The following ULK2 variants were observed in gnomAD, a reference collection of about 807,000 sequenced individuals.
ULK2 encodes the protein unc-51 like autophagy activating kinase 2.
In ULK2, 76 loss-of-function variants were observed where a neutral mutation model predicts 127.5. The observed-to-expected ratio is 0.60, with a 90% CI of 0.50 to 0.72. ULK2 has a LOEUF of 0.72. Ranked by LOEUF, ULK2 falls within the 30% of genes least tolerant of loss-of-function variation. The pLI, the probability that ULK2 is intolerant of heterozygous loss-of-function variation, is 0.00. For synonymous variants in ULK2, 452 were observed against 461.9 expected, an observed-to-expected ratio of 0.98 and a Z score of 0.28; for missense variants, 1,144 against 1,295.9, an observed-to-expected ratio of 0.88 and a Z score of 1.80.
At chr17:19,810,139 G>A (rs2087603231) in intron 14 of ULK2, among the ~76,000 whole-genome samples, 1 of 151,022 alleles carries the variant, frequency 6.6e-6, no homozygotes, top group African/African-American at 2.4e-5. Flanking sequence ...GCTGAGGCAG[G>A]AGAATGGCGT....
chr17:19,838,568 T>C lies in ULK2; in HGVS notation c.720A>G (p.Thr240=), dbSNP rs199636219. The part of the protein sequence containing the change: ...RSLMPSIPRE[T]SPYLANLLLG... ...AAAGGAGATTAGCCAAATAAGGTGA[T>C]GTTTCTCTGGGAATACTGGGGGAAA... is the stretch of plus-strand genomic sequence containing the variant. Residue 240 remains threonine, a synonymous_variant, in exon 10 of 27, where the codon ACA becomes ACG. Transcript: ENST00000395544. 1.0e-4 allele frequency: 167 copies of C among 1,613,168 alleles called. 5 individuals carry two copies. The South Asian group carries it at 1.8e-3, about 18-fold the overall frequency.
chr17:19,811,135 G>C (rs756787736), intron 13 of ULK2: 3 of 152,098 alleles, frequency 2.0e-5, no homozygotes, highest in Non-Finnish European at 2.9e-5. Context: ...CATTATAAAG[G>C]AAAATAAATC....
intron 12 of ULK2, among the ~76,000 whole-genome samples, chr17:19,818,747 C>T (rs1366747791): frequency 6.6e-6 from 1 of 151,746 alleles, no homozygotes; most frequent in Non-Finnish European, 1.5e-5. Flanking sequence ...CATCTCAAAT[C>T]CCTAAAACCC....
chr17:19,774,089 CCCATGAA>C lies in ULK2; in HGVS notation c.*2253_*2259del, dbSNP rs1369388947. Reference sequence around the variant, plus strand: ...GTTATGGCTTGAATACAGGTGTCAACCCATGAATGTATGAACTGGTACATTTCCACTC... The same window carrying C: ...GTTATGGCTTGAATACAGGTGTCAACTGTATGAACTGGTACATTTCCACTC... On this transcript the variant is annotated 3_prime_UTR_variant, in exon 27 of 27. Coordinates refer to ENST00000395544, the MANE Select transcript of ULK2 (RefSeq NM_014683.4). 1 of 152,514 alleles carries C rather than the reference CCCATGAA, an allele frequency of 6.6e-6. No individual in the cohort carries two copies. 9.4% of individuals were successfully genotyped at this position (152,514 alleles called of 1,614,324 possible). A position where few individuals can be genotyped will look rare whatever the true frequency, so the allele number is the denominator to read the frequency against.
intron 10 of ULK2, among the ~76,000 whole-genome samples, chr17:19,833,213 CAA>C (rs2041507555): frequency 6.7e-6 from 1 of 149,070 alleles, no homozygotes; most frequent in South Asian, 2.1e-4. Flanking sequence ...CTGTATTGAA[CAA>C]AATGTTTGAT....
chr17:19,867,485 G>A lies in ULK2; in HGVS notation c.-68C>T, dbSNP rs999664505. The A allele has an allele frequency of 3.1e-6, 4 of 1,301,578 alleles. No individual in the cohort carries two copies. Among genetic ancestry groups the A allele is most frequent in the South Asian group, 3.1e-5 (2 of 64,670 alleles). The allele number at this position is 1,301,578 out of a possible 1,614,324, so 80.6% of individuals were successfully genotyped here. On this transcript the variant is annotated 5_prime_UTR_variant, in exon 1 of 27. Transcript: ENST00000395544. The stretch of plus-strand genomic sequence containing the variant: ...GTGCGGCGCAGGTATCAGCACCGCG[G>A]CTCCGCGGGCCCGGAGCGCGCCAGC...
chr17:19,800,404 G>A (rs1366089219), intron 16 of ULK2, among the ~76,000 whole-genome samples: 1 of 152,170 alleles, frequency 6.6e-6, no homozygotes, highest in African/African-American at 2.4e-5. Flanking sequence ...TAAGCAGCGG[G>A]CAGAGATCAG....
chr17:19,811,212 T>G (rs1186661249), intron 13 of ULK2: 2 of 152,180 alleles, frequency 1.3e-5, no homozygotes, highest in African/African-American at 4.8e-5. Context: ...CAATGAATAT[T>G]TGTCTATAGG....
intron 19 of ULK2, 44 bp from the exon 20 acceptor site, chr17:19,795,769 T>C (rs1346536415): frequency 6.4e-7 from 1 of 1,564,970 alleles, no homozygotes; most frequent in Non-Finnish European, 8.8e-7. Context: ...AAGTATACTT[T>C]TTAAAACTAG....
intron 3 of ULK2, among the ~76,000 whole-genome samples, chr17:19,854,430 G>C (rs906044664): frequency 6.6e-6 from 1 of 151,980 alleles, no homozygotes; most frequent in African/African-American, 2.4e-5. Context: ...ATATAATACT[G>C]ATTAATAAAT....
At chr17:19,859,870 TCTCA>T (rs2042206341) in intron 3 of ULK2, among the ~76,000 whole-genome samples, 1 of 152,098 alleles carries the variant, frequency 6.6e-6, no homozygotes, top group African/African-American at 2.4e-5. Context: ...AGAAACAGGG[TCTCA>T]CTATGTTGCA....
At chr17:19,852,210 G>A (rs1018720090) in intron 3 of ULK2, among the ~76,000 whole-genome samples, 2 of 151,570 alleles carry the variant, frequency 1.3e-5, no homozygotes, top group African/African-American at 4.9e-5. Flanking sequence ...GAGCAACAGA[G>A]CAAGACTCCA....
At chr17:19,863,929 G>A in intron 3 of ULK2, among the ~76,000 whole-genome samples, 1 of 152,062 alleles carries the variant, frequency 6.6e-6, no homozygotes, top group East Asian at 1.9e-4. Flanking sequence ...ATATAACTGG[G>A]TGATGAACAT....
intron 3 of ULK2, among the ~76,000 whole-genome samples, chr17:19,863,249 A>G (rs2042280623): frequency 6.6e-6 from 1 of 152,140 alleles, no homozygotes; most frequent in Admixed American, 6.6e-5. Flanking sequence ...AATGAATTTG[A>G]GTAATGCAAG....
intron 8 of ULK2, among the ~76,000 whole-genome samples, chr17:19,842,248 A>AGTGCAAT (rs1186342412): frequency 1.7e-5 from 2 of 117,902 alleles, no homozygotes; most frequent in Admixed American, 2.5e-4. Context: ...CCCAGGCTGG[A>AGTGCAAT]GTGCAATGGT....
chr17:19,807,754 A>G (rs2087544124), intron 14 of ULK2, among the ~76,000 whole-genome samples: 1 of 152,146 alleles, frequency 6.6e-6, no homozygotes, highest in Non-Finnish European at 1.5e-5. Context: ...AAGAAACAAG[A>G]TTGTACAAGA....
intron 3 of ULK2, among the ~76,000 whole-genome samples, chr17:19,856,977 CAAAAAAAAAAAAAAAAAA>C (rs1157706276): frequency 9.4e-5 from 2 of 21,328 alleles, no homozygotes; most frequent in East Asian, 2.8e-3. Context: ...ACTCCATCTC[CAAAAAAAAAAAAAAAAAA>C]AAAAAAAAAG....
At chr17:19,802,839 C>A (rs1312633448) in intron 15 of ULK2, among the ~76,000 whole-genome samples, 1 of 152,174 alleles carries the variant, frequency 6.6e-6, no homozygotes, top group Non-Finnish European at 1.5e-5. Context: ...GAAATTTTTA[C>A]CTGTGCATGA....
Position 19,783,850 on chromosome 17 carries a change from C to T in ULK2, c.2307G>A (p.Val769=), listed in dbSNP as rs765721714. 1.0e-5 allele frequency: 16 copies of T among 1,589,954 alleles called. No individual in the cohort carries two copies. The highest frequency in any genetic ancestry group is 1.4e-5 in the Non-Finnish European group (16 of 1,168,966). The change falls in exon 22 of 27, where the codon GTG becomes GTA. Residue 769 remains valine (V), a synonymous_variant. Transcript: ENST00000395544. ...CGAAGCCTGGGCCAGGCGGGGACCC[C>T]ACGCACACGCGGCCACTCATGGCAC... ...SLCAMSGRVC[V]GSPPGPGFGS... is the part of the protein sequence containing the mutation.
Sources: gnomAD v4.1 joint callset for allele counts (sites outside exome capture counted in the v4.1 genomes callset) on GRCh38, gnomAD v4.1.1 for gene constraint, MANE v1.5 for transcripts, NCBI Gene and HGNC (gene_info 2026-07-23, HGNC 2026-07-21) for gene names.